Variants in NSD3 observed in about 807,000 individuals in gnomAD.
NSD3 encodes the protein histone-lysine N-methyltransferase NSD3.
Under a neutral mutation model 160.8 loss-of-function variants are expected in NSD3, and 24 were observed. The observed-to-expected ratio is 0.15, with a 90% CI of 0.11 to 0.21. The LOEUF (loss-of-function observed/expected upper bound fraction) is 0.21, where lower values mean the gene tolerates loss of function less well. Ranked by LOEUF, NSD3 falls within the 10% of genes least tolerant of loss-of-function variation. The pLI, the probability that NSD3 is intolerant of heterozygous loss-of-function variation, is 1.00. For missense variants in NSD3, 1,157 were observed against 1,735.9 expected (o/e 0.67, Z 5.93); for synonymous variants, 520 against 600.0 (o/e 0.87, Z 1.95).
At chr8:38,353,054 T>C (rs1030041023) in intron 1 of NSD3, among the ~76,000 whole-genome samples, 5 of 152,192 alleles carry the variant, frequency 3.3e-5, no homozygotes, top group African/African-American at 7.2e-5. Context: ...AACATTCATG[T>C]AGCTATTATC....
At chr8:38,378,211 C>G (rs1341037726) in intron 1 of NSD3, among the ~76,000 whole-genome samples, 1 of 151,654 alleles carries the variant, frequency 6.6e-6, no homozygotes, top group Non-Finnish European at 1.5e-5. Flanking sequence ...AACAAACAAA[C>G]AAACTCCATC....
intron 2 of NSD3, 122 bp downstream of exon 2, chr8:38,347,375 C>T: frequency 9.9e-7 from 1 of 1,007,024 alleles, no homozygotes; most frequent in South Asian, 1.7e-5. Flanking sequence ...GAGCACGTTG[C>T]TAGTGATTAA....
intron 2 of NSD3, among the ~76,000 whole-genome samples, chr8:38,339,241 T>C (rs770199223): frequency 6.6e-5 from 10 of 152,174 alleles, no homozygotes; most frequent in Non-Finnish European, 1.3e-4. Flanking sequence ...CTAAGATTAC[T>C]AGTAAGATGT....
intron 12 of NSD3, among the ~76,000 whole-genome samples, chr8:38,314,379 A>G (rs1350129432): frequency 6.6e-6 from 1 of 152,236 alleles, no homozygotes; most frequent in Non-Finnish European, 1.5e-5. Context: ...AAATAACTCA[A>G]TTAACATACT....
At chr8:38,296,708 G>GTGTGTGTA (rs779911632) in intron 15 of NSD3, among the ~76,000 whole-genome samples, 1 of 138,212 alleles carries the variant, frequency 7.2e-6, no homozygotes, top group South Asian at 2.3e-4. Context: ...GTGTGTGTGT[G>GTGTGTGTA]TGTGTGTATG....
At chr8:38,323,627 G>A (rs1809842331) in intron 7 of NSD3, among the ~76,000 whole-genome samples, 1 of 151,856 alleles carries the variant, frequency 6.6e-6, no homozygotes, top group Admixed American at 6.6e-5. Context: ...AGACCAGCCT[G>A]GGGAACAAGG....
Position 38,316,823 on chromosome 8 carries a change from CTGTG to C in NSD3, c.1856-785_1856-782del. 2 of 1,061,292 alleles carry C rather than the reference CTGTG, an allele frequency of 1.9e-6. No homozygotes were observed. The highest frequency in any genetic ancestry group is 2.3e-6 in the Non-Finnish European group (2 of 876,676). 65.7% of individuals were successfully genotyped at this position (1,061,292 alleles called of 1,614,324 possible). Reference sequence around the variant, plus strand: ...TAGTGTGGAATTGTTTTTTTTAAAACTGTGTGTAATACAAATCCAGCCAAAACAA... The same window carrying C: ...TAGTGTGGAATTGTTTTTTTTAAAACTGTAATACAAATCCAGCCAAAACAA... On this transcript the variant is annotated intron_variant, in intron 9 of 23. Coordinates refer to ENST00000317025, the MANE Select transcript of NSD3 (RefSeq NM_023034.2). The surrounding 1 kb of genome is among the most constrained non-coding windows in gnomAD (Gnocchi z 4.5).
intron 16 of NSD3, 89 bp from the exon 17 acceptor site, chr8:38,290,766 T>C: frequency 1.5e-6 from 2 of 1,327,434 alleles, no homozygotes. Flanking sequence ...AAAAAGTTTT[T>C]GTATTTTGCA....
At chr8:38,332,711 G>GT (rs1328370332) in intron 4 of NSD3, among the ~76,000 whole-genome samples, 1 of 151,814 alleles carries the variant, frequency 6.6e-6, no homozygotes, top group Non-Finnish European at 1.5e-5. Context: ...TGCACTAGGT[G>GT]TTTTTTCAGG....
intron 22 of NSD3, among the ~76,000 whole-genome samples, chr8:38,276,934 G>C (rs1270478616): frequency 6.6e-6 from 1 of 150,960 alleles, no homozygotes; most frequent in African/African-American, 2.4e-5. Flanking sequence ...GTGATCCTCC[G>C]CCTCAGCCTT....
rs147055388 is a variant in NSD3, at chr8:38,282,218, T to A, written c.3502-635A>T. 7.0e-3 allele frequency among the ~76,000 whole-genome samples: 1,072 copies of A among 152,336 alleles called. 10 individuals carry two copies. The highest frequency in any genetic ancestry group is 9.2e-3 in the Non-Finnish European group (628 of 68,030). On this transcript the variant is annotated intron_variant, in intron 19 of 23. Transcript: ENST00000317025. ...CTATGCAGTTTTAGCAGGCGTAGGA[T>A]CATGTAATCACCACTGCAATCAAGA...
chr8:38,332,300 ATTTC>A (rs1176875564), intron 4 of NSD3, among the ~76,000 whole-genome samples: 1 of 149,118 alleles, frequency 6.7e-6, no homozygotes, highest in Non-Finnish European at 1.5e-5. Context: ...CTCAGCTTTA[ATTTC>A]TTTTTTTCTT....
intron 1 of NSD3, among the ~76,000 whole-genome samples, chr8:38,376,479 A>G (rs1054220896): frequency 6.7e-6 from 1 of 150,288 alleles, no homozygotes; most frequent in African/African-American, 2.5e-5. Context: ...TTTATTGCCC[A>G]GGCTGGAGTG....
chr8:38,281,381 T>C (rs1225709954), intron 20 of NSD3, 86 bp downstream of exon 20: 76 of 676,360 alleles, frequency 1.1e-4, no homozygotes, highest in Non-Finnish European at 4.5e-6. Context: ...AAAAATCAAA[T>C]TAAAAGAAAC....
chr8:38,376,705 G>A (rs1038904228), intron 1 of NSD3, among the ~76,000 whole-genome samples: 1 of 152,180 alleles, frequency 6.6e-6, no homozygotes, highest in African/African-American at 2.4e-5. Context: ...GCAAAGTGCT[G>A]GGGTTACAGG....
At chr8:38,339,762 C>T (rs1810314552) in intron 2 of NSD3, among the ~76,000 whole-genome samples, 1 of 151,418 alleles carries the variant, frequency 6.6e-6, no homozygotes, top group Admixed American at 6.6e-5. Context: ...TTTCTAAAAC[C>T]CTTTAGGGAG....
intron 4 of NSD3, among the ~76,000 whole-genome samples, chr8:38,334,486 G>A (rs974336248): frequency 1.3e-5 from 2 of 152,194 alleles, no homozygotes; most frequent in Non-Finnish European, 2.9e-5. Context: ...CAGGAGCAGT[G>A]GCTTACGCCT....
At chr8:38,340,526 C>A (rs1382176594) in intron 2 of NSD3, among the ~76,000 whole-genome samples, 2 of 151,790 alleles carry the variant, frequency 1.3e-5, no homozygotes, top group South Asian at 2.1e-4. Flanking sequence ...TTAGTAGAGA[C>A]GGGGTTTTGC....
chr8:38,313,810 C>T (rs896677353), intron 12 of NSD3, among the ~76,000 whole-genome samples: 3 of 149,260 alleles, frequency 2.0e-5, no homozygotes, highest in Non-Finnish European at 4.5e-5. Flanking sequence ...AAAAAAATTA[C>T]TAACTTTTTG....
Sources: gnomAD v4.1 joint callset for allele counts (sites outside exome capture counted in the v4.1 genomes callset) on GRCh38, gnomAD v4.1.1 for gene constraint, Gnocchi (gnomAD v3.1) non-coding constraint, MANE v1.5 for transcripts, NCBI Gene and HGNC (gene_info 2026-07-23, HGNC 2026-07-21) for gene names.